RFX3: variants seen among roughly 807,000 people sequenced by gnomAD.
The protein encoded by RFX3 is transcription factor RFX3.
RFX3 carries 14 observed loss-of-function variants against 98.6 expected under a neutral mutation model. That is an observed-to-expected ratio of 0.14 (90% confidence interval 0.09 to 0.22). The LOEUF is 0.22. Ranked by LOEUF, RFX3 falls within the 10% of genes least tolerant of loss-of-function variation. The pLI, the probability that RFX3 is intolerant of heterozygous loss-of-function variation, is 1.00. For missense variants in RFX3, 639 were observed against 926.9 expected, an observed-to-expected ratio of 0.69 and a Z score of 4.03; for synonymous variants, 383 against 328.4, an observed-to-expected ratio of 1.17 and a Z score of -1.80.
intron 1 of RFX3, among the ~76,000 whole-genome samples, chr9:3,419,178 CA>C (rs1226672886): frequency 3.3e-5 from 5 of 152,144 alleles, no homozygotes; most frequent in African/African-American, 1.2e-4. Context: ...ACACAGTTCA[CA>C]TTTTTTTTAT....
At chr9:3,421,146 C>T (rs1843409312) in intron 1 of RFX3, among the ~76,000 whole-genome samples, 1 of 151,848 alleles carries the variant, frequency 6.6e-6, no homozygotes, top group Non-Finnish European at 1.5e-5. Flanking sequence ...CTGAGAATAA[C>T]TATCTAAGCC....
chr9:3,264,907 C>T (rs1019248851), intron 12 of RFX3, among the ~76,000 whole-genome samples: 8 of 152,306 alleles, frequency 5.3e-5, no homozygotes, highest in African/African-American at 1.7e-4. Context: ...ACTTTGACAA[C>T]ACTGGGAAGG....
chr9:3,284,920 C>G (rs375073000), intron 7 of RFX3, among the ~76,000 whole-genome samples: 2 of 151,658 alleles, frequency 1.3e-5, no homozygotes, highest in Non-Finnish European at 3.0e-5. Context: ...AGTGGTATTG[C>G]TGGGAATTGG....
chr9:3,524,454 C>G, intron 1 of RFX3: 1 of 920,936 alleles, frequency 1.1e-6, no homozygotes, highest in Non-Finnish European at 1.3e-6. Flanking sequence ...TAGATCTTAA[C>G]CAGAAAGAAA....
intron 4 of RFX3, among the ~76,000 whole-genome samples, chr9:3,319,028 C>T (rs146486619): frequency 1.0e-3 from 154 of 152,300 alleles, no homozygotes; most frequent in African/African-American, 3.5e-3. Flanking sequence ...TTGGAATTAC[C>T]CCTCAGAAAT....
At chr9:3,285,684 T>TA (rs1391170469) in intron 7 of RFX3, among the ~76,000 whole-genome samples, 2 of 151,676 alleles carry the variant, frequency 1.3e-5, no homozygotes, top group South Asian at 2.1e-4. Flanking sequence ...CTTGTATCAT[T>TA]AAAAAAACAC....
At chr9:3,523,359 G>A (rs1291537200) in intron 1 of RFX3, among the ~76,000 whole-genome samples, 1 of 152,090 alleles carries the variant, frequency 6.6e-6, no homozygotes, top group African/African-American at 2.4e-5. Flanking sequence ...CTATCCTTGT[G>A]TTTAATTTTT....
At chr9:3,240,947 C>G (rs1355178965) in intron 15 of RFX3, among the ~76,000 whole-genome samples, 1 of 152,238 alleles carries the variant, frequency 6.6e-6, no homozygotes, top group Non-Finnish European at 1.5e-5. Context: ...TGCTACCTGA[C>G]AAACTCTTTA....
intron 2 of RFX3, among the ~76,000 whole-genome samples, chr9:3,350,151 T>C (rs980904143): frequency 2.6e-5 from 4 of 152,056 alleles, no homozygotes; most frequent in Non-Finnish European, 5.9e-5. Context: ...ATTTCTACTT[T>C]GAAAGACACT....
intron 1 of RFX3, among the ~76,000 whole-genome samples, chr9:3,456,745 TG>T (rs1057210172): frequency 5.9e-5 from 9 of 151,878 alleles, no homozygotes; most frequent in African/African-American, 2.2e-4. Context: ...TCCACCTACA[TG>T]GGGAAAAAAA....
intron 1 of RFX3, among the ~76,000 whole-genome samples, chr9:3,505,239 T>TGAATATATATATGAATATATA (rs1816853132): frequency 1.1e-5 from 1 of 88,552 alleles, no homozygotes; most frequent in Non-Finnish European, 1.8e-5. Context: ...TGAATATATA[T>TGAATATATATATGAATATATA]TTATATATAT....
intron 2 of RFX3, among the ~76,000 whole-genome samples, chr9:3,363,605 T>C (rs984242722): frequency 2.6e-5 from 4 of 152,256 alleles, no homozygotes; most frequent in Non-Finnish European, 5.9e-5. Context: ...TTAATAGTGA[T>C]ATGCAATAAT....
intron 1 of RFX3, among the ~76,000 whole-genome samples, chr9:3,429,938 G>A (rs2132512283): frequency 6.6e-6 from 1 of 152,282 alleles, no homozygotes; most frequent in South Asian, 2.1e-4. Flanking sequence ...GCAGAGCCAA[G>A]ATAATAATCC....
chr9:3,504,891 TAACATATATTATATA>T lies in RFX3; in HGVS notation c.-9+20841_-9+20855del, dbSNP rs1564185461. On this transcript the variant is annotated intron_variant, in intron 1 of 16. Transcript: ENST00000617270. ...TATATTATATATATTATATATAATA[TAACATATATTATATA>T]TATATATAATATAACATATATTATA... Among the ~76,000 whole-genome samples the T allele has an allele frequency of 2.1e-3, 131 of 61,526 alleles. 2 individuals are homozygous for T. Among genetic ancestry groups the T allele is most frequent in the African/African-American group, 6.2e-3 (62 of 9,928 alleles). The allele number at this position is 61,526 out of a possible 152,430, so 40.4% of individuals were successfully genotyped here. A position where few individuals can be genotyped will look rare whatever the true frequency, so the allele number is the denominator to read the frequency against.
chr9:3,252,954 G>A (rs988081303), intron 14 of RFX3, among the ~76,000 whole-genome samples: 2 of 152,024 alleles, frequency 1.3e-5, no homozygotes, highest in Non-Finnish European at 2.9e-5. Flanking sequence ...TCAGGCCTCC[G>A]CTTTACATGC....
chr9:3,252,036 C>T (rs549623811), intron 14 of RFX3, among the ~76,000 whole-genome samples: 1 of 152,042 alleles, frequency 6.6e-6, no homozygotes, highest in Non-Finnish European at 1.5e-5. Flanking sequence ...TTAGTAGAGA[C>T]GGGGTTTCTC....
chr9:3,380,093 A>G (rs185342727), intron 2 of RFX3, among the ~76,000 whole-genome samples: 1 of 151,842 alleles, frequency 6.6e-6, no homozygotes, highest in Non-Finnish European at 1.5e-5. Context: ...TGCCTGGTGA[A>G]GTTTTTGTAT....
At chr9:3,370,006 TTTTTTTTTG>T (rs1160723680) in intron 2 of RFX3, among the ~76,000 whole-genome samples, 9 of 129,612 alleles carry the variant, frequency 6.9e-5, no homozygotes, top group Non-Finnish European at 1.6e-4. Flanking sequence ...TTTTTTTTTT[TTTTTTTTTG>T]TATTTTTAGT....
At chr9:3,351,252 G>A (rs992412043) in intron 2 of RFX3, among the ~76,000 whole-genome samples, 14 of 151,932 alleles carry the variant, frequency 9.2e-5, no homozygotes, top group African/African-American at 3.4e-4. Flanking sequence ...TACTAAAGGT[G>A]CTTTAGAAAA....
Sources: allele counts gnomAD v4.1 joint callset (sites outside exome capture counted in the v4.1 genomes callset), GRCh38; gene constraint gnomAD v4.1.1; transcripts MANE v1.5; gene names NCBI Gene and HGNC (gene_info 2026-07-23, HGNC 2026-07-21).